Variants in BRWD1 observed in about 807,000 individuals in gnomAD.
The protein encoded by BRWD1 is bromodomain and WD repeat domain containing 1, also known as bromodomain and WD repeat-containing protein 1.
BRWD1 carries 82 observed loss-of-function variants against 251.2 expected under a neutral mutation model. That is an observed-to-expected ratio of 0.33 (90% CI 0.27 to 0.39). The LOEUF is 0.39. Ranked by LOEUF, BRWD1 falls within the 10% of genes least tolerant of loss-of-function variation. BRWD1 has a pLI of 1.00. For synonymous variants in BRWD1, 918 were observed against 902.8 expected, an observed-to-expected ratio of 1.02 and a Z score of -0.30; for missense variants, 2,233 against 2,711.6, an observed-to-expected ratio of 0.82 and a Z score of 3.92.
rs543968986 is a variant in BRWD1, at chr21:39,204,760, A to G, written c.4364+1348T>C. ...CAAAACTGTTCCACCTCAGATCATCAGGCATTAGATCCTCATAAGGAGCAC... is the reference window on the plus strand; with the variant it reads ...CAAAACTGTTCCACCTCAGATCATCGGGCATTAGATCCTCATAAGGAGCAC... On this transcript the variant is annotated intron_variant, in intron 37 of 40. Transcript: ENST00000342449. Among the ~76,000 whole-genome samples the G allele has an allele frequency of 2.8e-4, 42 of 152,298 alleles. No homozygotes were observed. The South Asian group carries it at 8.5e-3, about 31-fold the overall frequency.
rs1341144055 is a variant in BRWD1 at position 39,312,959 on chromosome 21, G to GC, written c.139-60dup. Reference sequence around the variant, plus strand: ...CCCTCCGGCGCGGGGGGGGCGGGGGGCGGGGGGCCGGGGGCGGGCGGCGGG... The same window carrying GC: ...CCCTCCGGCGCGGGGGGGGCGGGGGGCCGGGGGGCCGGGGGCGGGCGGCGGG... On this transcript the variant is annotated intron_variant, in intron 3 of 40. Coordinates refer to ENST00000342449, the MANE Select transcript of BRWD1 (RefSeq NM_033656.4). 31 of 469,736 alleles carry GC rather than the reference G, an allele frequency of 6.6e-5. 1 individual carries two copies. Among genetic ancestry groups the GC allele is most frequent in the Non-Finnish European group, 8.5e-5 (29 of 339,606 alleles). 29.1% of individuals were successfully genotyped at this position (469,736 alleles called of 1,614,324 possible). A position where few individuals can be genotyped will look rare whatever the true frequency, so the allele number is the denominator to read the frequency against.
chr21:39,294,111 T>A, intron 7 of BRWD1, 79 bp from the exon 8 acceptor site: 1 of 1,171,484 alleles, frequency 8.5e-7, no homozygotes, highest in Non-Finnish European at 1.2e-6. Context: ...TTATATGCCA[T>A]CCAAATTAAC....
chr21:39,194,607 T>C lies in BRWD1; in HGVS notation c.*1652A>G. 2.7e-6 allele frequency: 4 copies of C among 1,509,264 alleles called. No individual in the cohort carries two copies. The highest frequency in any genetic ancestry group is 2.5e-5 in the East Asian group (1 of 40,616). 93.5% of individuals were successfully genotyped at this position (1,509,264 alleles called of 1,614,324 possible). ...AAACATCCTTCCCCATGCATCAGAG[T>C]AGAAAGAAAATGTACCTTCTACTAT... is the stretch of plus-strand genomic sequence containing the variant. On this transcript the variant is annotated 3_prime_UTR_variant, in exon 41 of 41. Coordinates refer to ENST00000342449, the MANE Select transcript of BRWD1 (RefSeq NM_033656.4).
In BRWD1 at chr21:39,188,746, A is replaced by T. The variant is rs2031385915; in HGVS notation, c.*7513T>A. On this transcript the variant is annotated 3_prime_UTR_variant, in exon 41 of 41. Coordinates refer to ENST00000342449, the MANE Select transcript of BRWD1 (RefSeq NM_033656.4). ...AGATCAGTTGAGCGTTCTCCCCAGA[A>T]TAGGTTAGGAAATACTTTATTCAAA... is the stretch of plus-strand genomic sequence containing the variant. The T allele has an allele frequency of 1.0e-6, 1 of 985,322 alleles. No homozygotes were observed. Among genetic ancestry groups the T allele is most frequent in the Non-Finnish European group, 1.2e-6 (1 of 829,932 alleles). The allele number at this position is 985,322 out of a possible 1,614,324, so 61.0% of individuals were successfully genotyped here.
chr21:39,312,756 C>A (rs1316524000), intron 4 of BRWD1, 85 bp downstream of exon 4: 3 of 1,146,348 alleles, frequency 2.6e-6, no homozygotes, highest in African/African-American at 3.2e-5. Context: ...TTGCACCCCA[C>A]GGGCCGGGGT....
intron 29 of BRWD1, among the ~76,000 whole-genome samples, chr21:39,221,855 G>A (rs1245040090): frequency 2.0e-5 from 3 of 151,168 alleles, no homozygotes; most frequent in Non-Finnish European, 2.9e-5. Context: ...AGTGAGTCGC[G>A]ATTGCACCAC....
intron 15 of BRWD1, among the ~76,000 whole-genome samples, chr21:39,268,567 C>T (rs4818009): frequency 1.8e-4 from 27 of 151,962 alleles, no homozygotes; most frequent in African/African-American, 6.3e-4. Context: ...CTATAACAAT[C>T]TAATCATGAA....
In BRWD1 at chr21:39,193,531, ATC is replaced by A. The variant is rs2031660514; in HGVS notation, c.*2726_*2727del. On this transcript the variant is annotated 3_prime_UTR_variant, in exon 41 of 41. Coordinates refer to ENST00000342449, the MANE Select transcript of BRWD1 (RefSeq NM_033656.4). ...GTCTTTCCAAGAAAGCAAAAATCAA[ATC>A]TGAGTACTTCAAAGCCTGTAAAACC... 1.0e-6 allele frequency: 1 copy of A among 985,504 alleles called. No individual in the cohort carries two copies. Among genetic ancestry groups the A allele is most frequent in the South Asian group, 4.7e-5 (1 of 21,284 alleles). The allele number at this position is 985,504 out of a possible 1,614,324, so 61.0% of individuals were successfully genotyped here.
chr21:39,205,112 C>A (rs914979851), intron 37 of BRWD1, among the ~76,000 whole-genome samples: 2 of 152,072 alleles, frequency 1.3e-5, no homozygotes, highest in African/African-American at 4.8e-5. Flanking sequence ...AGCTATAAAA[C>A]CCATGACTAG....
At chr21:39,202,608 G>C (rs1381125065) in intron 37 of BRWD1, 63 bp from the exon 38 acceptor site, 2 of 1,131,146 alleles carry the variant, frequency 1.8e-6, no homozygotes, top group South Asian at 3.0e-5. Flanking sequence ...TTGGTTCACA[G>C]AGAATGACTA....
rs960628112 is a variant in BRWD1, at chr21:39,190,114, T to C, written c.*6145A>G. The stretch of plus-strand genomic sequence containing the variant: ...CTTTAAATTATAACTCACAGATATG[T>C]GTGTATTCTAAGATGGTATATGTGG... On this transcript the variant is annotated 3_prime_UTR_variant, in exon 41 of 41. Coordinates refer to ENST00000342449, the MANE Select transcript of BRWD1 (RefSeq NM_033656.4). 4 of 985,052 alleles carry C rather than the reference T, an allele frequency of 4.1e-6. No individual in the cohort carries two copies. In the African/African-American group the frequency reaches 7.0e-5, roughly 17 times the overall value. The allele number at this position is 985,052 out of a possible 1,614,324, so 61.0% of individuals were successfully genotyped here. A position where few individuals can be genotyped will look rare whatever the true frequency, so the allele number is the denominator to read the frequency against.
intron 8 of BRWD1, among the ~76,000 whole-genome samples, chr21:39,291,041 G>A (rs1248128796): frequency 6.6e-6 from 1 of 152,080 alleles, no homozygotes; most frequent in African/African-American, 2.4e-5. Context: ...GAGATGGGCA[G>A]ACCTTGACCC....
intron 12 of BRWD1, 132 bp from the exon 13 acceptor site, chr21:39,274,604 A>G (rs1488150372): frequency 1.3e-6 from 1 of 749,298 alleles, no homozygotes; most frequent in African/African-American, 1.8e-5. Context: ...TGTTAATTCA[A>G]AAGACAAGGT....
rs1377574678 is a variant in BRWD1 at position 39,187,329 on chromosome 21, A to C, written c.*8930T>G. On this transcript the variant is annotated 3_prime_UTR_variant, in exon 41 of 41. Transcript: ENST00000342449. ...TCTCAGGTACCATTTTTGCTTTCAG[A>C]GTTTCACTAGGCATCTGCACTGCAT... is the stretch of plus-strand genomic sequence containing the variant. The C allele has an allele frequency of 1.2e-6, 2 of 1,613,788 alleles. No individual in the cohort carries two copies. Among genetic ancestry groups the C allele is most frequent in the Non-Finnish European group, 1.7e-6 (2 of 1,179,944 alleles).
rs1017621115 is a variant in BRWD1, at chr21:39,313,558, G to A, written c.-67C>T. The A allele has an allele frequency of 8.1e-6, 10 of 1,239,830 alleles. No homozygotes were observed. The Admixed American group carries it at 1.7e-4, about 21-fold the overall frequency. The allele number at this position is 1,239,830 out of a possible 1,614,324, so 76.8% of individuals were successfully genotyped here. A position where few individuals can be genotyped will look rare whatever the true frequency, so the allele number is the denominator to read the frequency against. On this transcript the variant is annotated 5_prime_UTR_variant, in exon 1 of 41. Transcript: ENST00000342449. The stretch of plus-strand genomic sequence containing the variant: ...GAGCGTGTAGGCCGCGCCGAGGCCT[G>A]ACCGGGCTGGCGTCCCCTCTTCTCA...
Position 39,272,425 on chromosome 21 carries a change from G to A in BRWD1, c.1244+1949C>T, listed in dbSNP as rs568617103. On this transcript the variant is annotated intron_variant, in intron 13 of 40. Transcript: ENST00000342449. ...GCCTGTAGTCTCAGCTACTCGTGAG[G>A]CTGAGGCAGGAGAACGGCATGAACC... 2.6e-5 allele frequency among the ~76,000 whole-genome samples: 4 copies of A among 151,670 alleles called. No homozygotes were observed. In the East Asian group the frequency reaches 7.9e-4, roughly 30 times the overall value.
Position 39,270,288 on chromosome 21 carries a change from A to G in BRWD1, c.1390T>C (p.Leu464=). Residue 464 remains leucine, a synonymous_variant, in exon 14 of 41, where the codon TTA becomes CTA. Coordinates refer to ENST00000342449, the MANE Select transcript of BRWD1 (RefSeq NM_033656.4). ...CTGTACCAGAAATTACCTACCATTA[A>G]GTTATGAAGCAGTTGTCCAGTGTAA... ...NSYTGQLLHN[L]MGHADEVFVL... 1 of 1,573,350 alleles carries G rather than the reference A, an allele frequency of 6.4e-7. No homozygotes were observed. The highest frequency in any genetic ancestry group is 8.6e-7 in the Non-Finnish European group (1 of 1,162,730).
At position 39,253,263 on chromosome 21, in the gene BRWD1, G is replaced by C. The variant is rs1244365682; in HGVS notation, c.2256-2374C>G. 7.3e-5 allele frequency among the ~76,000 whole-genome samples: 10 copies of C among 137,484 alleles called. No homozygotes were observed. The South Asian group carries it at 2.3e-3, about 31-fold the overall frequency. 90.2% of individuals were successfully genotyped at this position (137,484 alleles called of 152,430 possible). On this transcript the variant is annotated intron_variant, in intron 19 of 40. Transcript: ENST00000342449. Reference sequence around the variant, plus strand: ...AGATCATGCCACTGCACTCCAGCCTGGGTGACAAAAGCGAAACTGTCTCAA... The same window carrying C: ...AGATCATGCCACTGCACTCCAGCCTCGGTGACAAAAGCGAAACTGTCTCAA...
In BRWD1 at chr21:39,276,173, C is replaced by T; in HGVS notation, c.1145G>A (p.Arg382Gln). ...DSIQFCNNGD[R>Q]FLSGSRDGTA... ...ACACACATACAAAACACACACTTAC[C>T]GATCACCATTGTTACAAAATTGGAT... Residue 382 changes from arginine to glutamine, a missense_variant and splice_region_variant, in exon 12 of 41, where the codon CGG (arginine) becomes CAG (glutamine). Arg to Gln is a conservative substitution (Grantham distance 43). Transcript: ENST00000342449. 1 of 1,606,984 alleles carries T rather than the reference C, an allele frequency of 6.2e-7. No individual in the cohort carries two copies. Among genetic ancestry groups the T allele is most frequent in the Non-Finnish European group, 8.5e-7 (1 of 1,175,858 alleles).
Sources: allele counts gnomAD v4.1 joint callset (sites outside exome capture counted in the v4.1 genomes callset), GRCh38; gene constraint gnomAD v4.1.1; transcripts MANE v1.5; gene names NCBI Gene and HGNC (gene_info 2026-07-23, HGNC 2026-07-21).